The following ZBTB44 variants were observed in gnomAD, a reference collection of about 807,000 sequenced individuals.
The protein encoded by ZBTB44 is zinc finger and BTB domain-containing protein 44.
ZBTB44 carries 15 observed loss-of-function variants against 54.0 expected under a neutral mutation model. That is an observed-to-expected ratio of 0.28 (90% confidence interval 0.19 to 0.43). The LOEUF (loss-of-function observed/expected upper bound fraction) is 0.43, where lower values mean the gene tolerates loss of function less well. ZBTB44 is among the 20% of genes least tolerant of loss of function. ZBTB44 has a pLI of 1.00. For missense variants in ZBTB44, 487 were observed against 707.1 expected (o/e 0.69, Z 3.53); for synonymous variants, 230 against 250.1 (o/e 0.92, Z 0.76).
At chr11:130,233,142 A>C in intron 7 of ZBTB44, 166 bp downstream of exon 7, 1 of 550,142 alleles carries the variant, frequency 1.8e-6, no homozygotes. Flanking sequence ...TTTTTACTTT[A>C]TATGGCAGCA....
At chr11:130,232,642 T>C (rs1953920548) in intron 7 of ZBTB44, 1 of 152,224 alleles carries the variant, frequency 6.6e-6, no homozygotes, top group Non-Finnish European at 1.5e-5. Context: ...TTTAATAACT[T>C]TGCAATGTCT....
rs986098145 is a variant in ZBTB44 at position 130,227,302 on chromosome 11, T to G, written c.*4462A>C. ...CTTAGCTATGGCCAGTGTCACCAAG[T>G]AAAGCCATACTTGAATGAGATGACG... On this transcript the variant is annotated 3_prime_UTR_variant, in exon 8 of 8. Coordinates refer to ENST00000357899, the MANE Select transcript of ZBTB44 (RefSeq NM_001301098.2). 1 of 152,152 alleles carries G rather than the reference T, an allele frequency of 6.6e-6. No individual in the cohort carries two copies. Among genetic ancestry groups the G allele is most frequent in the Non-Finnish European group, 1.5e-5 (1 of 68,032 alleles). The allele number at this position is 152,152 out of a possible 1,614,324, so 9.4% of individuals were successfully genotyped here.
At chr11:130,232,228 A>G (rs1953902340) in intron 7 of ZBTB44, 1 of 152,232 alleles carries the variant, frequency 6.6e-6, no homozygotes, top group South Asian at 2.1e-4. Context: ...AGTATGGTCT[A>G]GCACCTGAAC....
chr11:130,239,846 A>T lies in ZBTB44; in HGVS notation c.1069T>A (p.Ser357Thr), dbSNP rs1478705211. 2.5e-6 allele frequency: 4 copies of T among 1,612,580 alleles called. No individual in the cohort carries two copies. Among genetic ancestry groups the T allele is most frequent in the Admixed American group, 3.3e-5 (2 of 59,966 alleles). Residue 357 changes from serine to threonine, a missense_variant, in exon 3 of 8, where the codon TCT (serine) becomes ACT (threonine). Around this residue, in one of 3 missense-constraint regions of ZBTB44, gnomAD observed 277 missense variants for 306.5 expected, o/e 0.90. Transcript: ENST00000357899. ...TCATCCGGAGGAGCATTAGTGCTAG[A>T]CGTGCTTTGAAGTGTAGGCAAGCCC... Reference protein sequence around the residue: ...SEGLPTLQSTSSTNAPPDDDD... With the variant: ...SEGLPTLQSTTSTNAPPDDDD...
chr11:130,298,235 C>T (rs565913543), intron 1 of ZBTB44, among the ~76,000 whole-genome samples: 2 of 151,948 alleles, frequency 1.3e-5, no homozygotes, highest in East Asian at 1.9e-4. Flanking sequence ...CTGGACCTCC[C>T]GAACTCAAGC....
chr11:130,268,855 C>T (rs2134177830), intron 1 of ZBTB44, among the ~76,000 whole-genome samples: 1 of 151,448 alleles, frequency 6.6e-6, no homozygotes, highest in South Asian at 2.1e-4. Flanking sequence ...GCTGGGATTA[C>T]AGGTGTGAGC....
intron 1 of ZBTB44, among the ~76,000 whole-genome samples, chr11:130,271,142 A>G (rs1939637430): frequency 6.6e-6 from 1 of 152,200 alleles, no homozygotes; most frequent in Non-Finnish European, 1.5e-5. Context: ...ATGTTATAAA[A>G]TTTCTGTCTG....
chr11:130,237,754 G>C (rs1361590953), intron 4 of ZBTB44, among the ~76,000 whole-genome samples: 2 of 152,176 alleles, frequency 1.3e-5, no homozygotes, highest in African/African-American at 2.4e-5. Context: ...ATTGGTGCTA[G>C]GACAGGGACT....
chr11:130,308,602 A>AT (rs1409844857), intron 1 of ZBTB44, among the ~76,000 whole-genome samples: 5 of 152,390 alleles, frequency 3.3e-5, no homozygotes, highest in African/African-American at 1.2e-4. Context: ...CAGAAAGGGC[A>AT]TAACAAATGT....
intron 1 of ZBTB44, among the ~76,000 whole-genome samples, chr11:130,288,917 A>T (rs1333686352): frequency 6.6e-6 from 1 of 152,054 alleles, no homozygotes; most frequent in Non-Finnish European, 1.5e-5. Flanking sequence ...AAAAAGAAAA[A>T]GAAAATGAGG....
chr11:130,240,442 C>A (rs1174078007), intron 2 of ZBTB44, among the ~76,000 whole-genome samples: 1 of 152,122 alleles, frequency 6.6e-6, no homozygotes, highest in Non-Finnish European at 1.5e-5. Flanking sequence ...TTCTTTGACA[C>A]ATTTCAGAAA....
At chr11:130,301,438 G>A (rs924753758) in intron 1 of ZBTB44, among the ~76,000 whole-genome samples, 3 of 152,178 alleles carry the variant, frequency 2.0e-5, no homozygotes, top group Non-Finnish European at 4.4e-5. Flanking sequence ...CAGATCACGT[G>A]AGCTTAAGAG....
At chr11:130,257,642 G>C (rs1938549118) in intron 2 of ZBTB44, among the ~76,000 whole-genome samples, 1 of 152,170 alleles carries the variant, frequency 6.6e-6, no homozygotes, top group African/African-American at 2.4e-5. Flanking sequence ...CTGACTATGA[G>C]AGAATAAATT....
chr11:130,240,103 G>A (rs1042144464), intron 2 of ZBTB44, among the ~76,000 whole-genome samples: 46 of 149,228 alleles, frequency 3.1e-4, no homozygotes, highest in Non-Finnish European at 5.6e-4. Flanking sequence ...GTGCGGTGGC[G>A]CGATCTCGGC....
intron 2 of ZBTB44, among the ~76,000 whole-genome samples, chr11:130,249,398 C>G (rs956993179): frequency 2.6e-5 from 4 of 152,158 alleles, no homozygotes; most frequent in African/African-American, 9.7e-5. Flanking sequence ...GATGTGTGTT[C>G]ATGTAAATTC....
At chr11:130,292,557 T>A (rs908943426) in intron 1 of ZBTB44, among the ~76,000 whole-genome samples, 7 of 152,124 alleles carry the variant, frequency 4.6e-5, no homozygotes, top group African/African-American at 1.7e-4. Flanking sequence ...CATTGAAAAA[T>A]TGCTGAATAA....
chr11:130,243,276 G>T (rs1954468773), intron 2 of ZBTB44, among the ~76,000 whole-genome samples: 1 of 151,814 alleles, frequency 6.6e-6, no homozygotes. Context: ...TTGTTTTCTT[G>T]AGTGCTCTGG....
intron 1 of ZBTB44, among the ~76,000 whole-genome samples, chr11:130,282,748 T>C (rs1940621983): frequency 6.6e-6 from 1 of 152,208 alleles, no homozygotes; most frequent in Admixed American, 6.5e-5. Context: ...CGGTTCACAT[T>C]TCTCTCTTCC....
intron 1 of ZBTB44, among the ~76,000 whole-genome samples, chr11:130,268,672 G>A (rs1439732945): frequency 1.3e-5 from 2 of 151,898 alleles, no homozygotes; most frequent in African/African-American, 4.8e-5. Flanking sequence ...TCCGCCTCCC[G>A]GGTTCAAGCA....
Sources: gnomAD v4.1 joint callset for allele counts (sites outside exome capture counted in the v4.1 genomes callset) on GRCh38, gnomAD v4.1.1 for gene constraint, gnomAD v4.1.1 regional missense constraint, MANE v1.5 for transcripts, NCBI Gene and HGNC (gene_info 2026-07-23, HGNC 2026-07-21) for gene names.